The following AHCTF1 variants were observed in gnomAD, a reference collection of about 807,000 sequenced individuals.
AHCTF1 encodes AT-hook containing transcription factor 1, also known as protein ELYS.
Under a neutral mutation model 248.4 loss-of-function variants are expected in AHCTF1, and 24 were observed. The observed-to-expected ratio is 0.10, with a 90% CI of 0.07 to 0.14. The LOEUF (loss-of-function observed/expected upper bound fraction) is 0.14, where lower values mean the gene tolerates loss of function less well. Among genes scored for constraint, AHCTF1 ranks in the 10% least tolerant of loss-of-function variants. The pLI, the probability that AHCTF1 is intolerant of heterozygous loss-of-function variation, is 1.00. For missense variants in AHCTF1, 2,206 were observed against 2,636.2 expected (o/e 0.84, Z 3.57); for synonymous variants, 786 against 929.8 (o/e 0.85, Z 2.81).
At chr1:246,896,021 A>C in intron 12 of AHCTF1, 96 bp from the exon 13 acceptor site, 1 of 937,818 alleles carries the variant, frequency 1.1e-6, no homozygotes, top group Non-Finnish European at 1.7e-6. Context: ...TTTAAGGCTA[A>C]AAAAATCAGT....
In AHCTF1 at chr1:246,850,718, G is replaced by C. The variant is rs1206609542; in HGVS notation, c.5288C>G (p.Ala1763Gly). The change falls in exon 33 of 36, where the codon GCT (alanine) becomes GGT (glycine). Residue 1763 changes from alanine to glycine, a missense_variant. Physicochemically the swap from Ala to Gly is moderately conservative, Grantham distance 60 (BLOSUM62 0). Around this residue, in one of 6 missense-constraint regions of AHCTF1, gnomAD observed 955 missense variants for 1,055.6 expected, o/e 0.90. Coordinates refer to ENST00000648844, the MANE Select transcript of AHCTF1 (RefSeq NM_001323342.2). ...TGACTGCCCTGGCATCTTAGGAGTA[G>C]CAACATCTGCTGATGCTTCCTGTTG... ...SAQQEASADVATPKMPGQSVR... is the reference protein window; with the variant it reads ...SAQQEASADVGTPKMPGQSVR... 1.7e-5 allele frequency: 28 copies of C among 1,613,794 alleles called. No homozygotes were observed. The highest frequency in any genetic ancestry group is 2.2e-5 in the Non-Finnish European group (26 of 1,179,870).
intron 13 of AHCTF1, among the ~76,000 whole-genome samples, chr1:246,895,496 G>A (rs1664511025): frequency 6.6e-6 from 1 of 152,022 alleles, no homozygotes; most frequent in Non-Finnish European, 1.5e-5. Flanking sequence ...GAGTAAAAAA[G>A]GTAATCCAAA....
At chr1:246,841,932 G>A (rs887078107) in intron 35 of AHCTF1, among the ~76,000 whole-genome samples, 2 of 149,654 alleles carry the variant, frequency 1.3e-5, no homozygotes, top group Non-Finnish European at 3.0e-5. Context: ...GGGACTACAG[G>A]CACCCACCAC....
chr1:246,868,804 C>T (rs1197212128), intron 24 of AHCTF1, among the ~76,000 whole-genome samples: 7 of 151,236 alleles, frequency 4.6e-5, no homozygotes, highest in Non-Finnish European at 7.4e-5. Context: ...TACAGGTCTA[C>T]CTCATTTTAT....
chr1:246,874,202 C>T (rs1223454889), intron 24 of AHCTF1, among the ~76,000 whole-genome samples: 2 of 152,068 alleles, frequency 1.3e-5, no homozygotes, highest in Non-Finnish European at 2.9e-5. Flanking sequence ...CAACAAATTA[C>T]GATAAAATTT....
At chr1:246,868,630 A>G (rs1662220469) in intron 24 of AHCTF1, among the ~76,000 whole-genome samples, 1 of 147,350 alleles carries the variant, frequency 6.8e-6, no homozygotes, top group Non-Finnish European at 1.5e-5. Flanking sequence ...AAAAAAAAAA[A>G]GTTATTCTTT....
intron 23 of AHCTF1, among the ~76,000 whole-genome samples, chr1:246,876,605 T>C (rs1662983406): frequency 6.6e-6 from 1 of 152,196 alleles, no homozygotes; most frequent in Non-Finnish European, 1.5e-5. Flanking sequence ...CCAATGATCT[T>C]TGTACTATAT....
Position 246,853,150 on chromosome 1 carries a change from C to A in AHCTF1, c.4504G>T (p.Asp1502Tyr). The A allele has an allele frequency of 1.2e-6, 2 of 1,612,674 alleles. No individual in the cohort carries two copies. Among genetic ancestry groups the A allele is most frequent in the East Asian group, 4.5e-5 (2 of 44,860 alleles). Residue 1502 changes from aspartate to tyrosine, a missense_variant, in exon 32 of 36, where the codon GAC (aspartate) becomes TAC (tyrosine). Asp to Tyr is a radical substitution (Grantham distance 160). Coordinates refer to ENST00000648844, the MANE Select transcript of AHCTF1 (RefSeq NM_001323342.2). ...ATTGGAAGCTTTTCTTCTGGTAAGT[C>A]AACACTTTCTTTTAGTACACCAACT... ...VEVGVLKESV[D>Y]LPEEKLPISD...
rs1461413097 is a variant in AHCTF1 at position 246,926,807 on chromosome 1, C to T, written c.-8+4771G>A. 3.3e-5 allele frequency among the ~76,000 whole-genome samples: 5 copies of T among 150,052 alleles called. No individual in the cohort carries two copies. The East Asian group carries it at 1.0e-3, about 30-fold the overall frequency. ...GGAGGCGGAGATTGCAGTCAGCCGA[C>T]ACTGCACCATTGCACTCCAGCCTGG... On this transcript the variant is annotated intron_variant, in intron 1 of 35. Transcript: ENST00000648844.
intron 1 of AHCTF1, among the ~76,000 whole-genome samples, chr1:246,922,612 T>G (rs954325938): frequency 6.6e-6 from 1 of 151,658 alleles, no homozygotes; most frequent in African/African-American, 2.4e-5. Context: ...CATGATGGTC[T>G]TGAACTCCTG....
At chr1:246,917,212 C>A (rs1314580676) in intron 2 of AHCTF1, among the ~76,000 whole-genome samples, 1 of 152,178 alleles carries the variant, frequency 6.6e-6, no homozygotes, top group Non-Finnish European at 1.5e-5. Context: ...AGTGGGTTGA[C>A]TGGAGATTCA....
At position 246,897,689 on chromosome 1, in the gene AHCTF1, C is replaced by T. The variant is rs139209531; in HGVS notation, c.1623+519G>A. 4.7e-3 allele frequency among the ~76,000 whole-genome samples: 713 copies of T among 152,228 alleles called. 8 individuals are homozygous for T. The highest frequency in any genetic ancestry group is 0.016 in the African/African-American group (680 of 41,532). On this transcript the variant is annotated intron_variant, in intron 12 of 35. Transcript: ENST00000648844. ...ACACAGAAAAGGTACAGTAAAAATA[C>T]ATTATTACAGGCTGGGCAAGGTGGC...
intron 3 of AHCTF1, among the ~76,000 whole-genome samples, chr1:246,913,997 T>C (rs894245486): frequency 2.6e-5 from 4 of 152,224 alleles, no homozygotes; most frequent in Non-Finnish European, 4.4e-5. Context: ...CTTCTTTCTA[T>C]TGGACTTCAT....
At chr1:246,915,244 C>T (rs1347373940) in intron 3 of AHCTF1, among the ~76,000 whole-genome samples, 1 of 152,052 alleles carries the variant, frequency 6.6e-6, no homozygotes, top group Admixed American at 6.5e-5. Flanking sequence ...GCAGGAGAAT[C>T]GGTTGAACCC....
chr1:246,879,132 CCAA>C (rs1215428483), intron 21 of AHCTF1, among the ~76,000 whole-genome samples: 6 of 151,936 alleles, frequency 3.9e-5, no homozygotes, highest in South Asian at 2.1e-4. Context: ...AAGAAAAATC[CCAA>C]CAACACAGGA....
rs752906596 is a variant in AHCTF1 at position 246,853,170 on chromosome 1, C to T, written c.4484G>A (p.Gly1495Asp). ...TAAGTCAACACTTTCTTTTAGTACA[C>T]CAACTTCTACTTCATGATCTTCTTT... ...NLKEDHEVEV[G>D]VLKESVDLPE... Residue 1495 changes from glycine to aspartate, a missense_variant, in exon 32 of 36, where the codon GGT becomes GAT. By Grantham distance (94) the Gly-to-Asp change is moderately conservative (BLOSUM62 -1). Coordinates refer to ENST00000648844, the MANE Select transcript of AHCTF1 (RefSeq NM_001323342.2). The T allele has an allele frequency of 2.5e-6, 4 of 1,612,892 alleles. No individual in the cohort carries two copies. In the South Asian group the frequency reaches 4.4e-5, roughly 18 times the overall value.
intron 33 of AHCTF1, among the ~76,000 whole-genome samples, chr1:246,847,273 C>T (rs528759613): frequency 6.8e-6 from 1 of 146,386 alleles, no homozygotes; most frequent in South Asian, 2.2e-4. Flanking sequence ...TGGGTAACAA[C>T]AGCCAAACTC....
rs1041338624 is a variant in AHCTF1, at chr1:246,888,097, G to T, written c.2325+80C>A. 5.5e-6 allele frequency: 8 copies of T among 1,467,732 alleles called. No homozygotes were observed. In the African/African-American group the frequency reaches 8.5e-5, roughly 16 times the overall value. The allele number at this position is 1,467,732 out of a possible 1,614,324, so 90.9% of individuals were successfully genotyped here. ...AAACCAAAATTCAACCTTGCAATTA[G>T]ATATGTCAGGTTTCCACTACTCTTG... On this transcript the variant is annotated intron_variant, in intron 19 of 35. Transcript: ENST00000648844.
intron 24 of AHCTF1, among the ~76,000 whole-genome samples, chr1:246,868,949 A>T (rs1359179526): frequency 6.8e-6 from 1 of 148,082 alleles, no homozygotes; most frequent in Non-Finnish European, 1.5e-5. Context: ...GGTTCACGCC[A>T]TTCTCCTGCC....
Sources: gnomAD v4.1 joint callset for allele counts (sites outside exome capture counted in the v4.1 genomes callset) on GRCh38, gnomAD v4.1.1 for gene constraint, gnomAD v4.1.1 regional missense constraint, MANE v1.5 for transcripts, NCBI Gene and HGNC (gene_info 2026-07-23, HGNC 2026-07-21) for gene names.